DDAH1: variants seen among roughly 807,000 people sequenced by gnomAD.
DDAH1 encodes dimethylarginine dimethylaminohydrolase 1.
A neutral mutation model predicts 28.8 loss-of-function variants in DDAH1; 19 were observed. That is an observed-to-expected ratio of 0.66 (90% CI 0.46 to 0.97). The LOEUF (loss-of-function observed/expected upper bound fraction) is 0.97. Among genes scored for constraint, DDAH1 ranks in the 50% least tolerant of loss-of-function variants. DDAH1 has a pLI of 0.00. For synonymous variants in DDAH1, 153 were observed against 154.4 expected (o/e 0.99, Z 0.07); for missense variants, 326 against 375.9 (o/e 0.87, Z 1.10).
At chr1:85,362,035 GT>G (rs879666116) in intron 1 of DDAH1, among the ~76,000 whole-genome samples, 1 of 152,026 alleles carries the variant, frequency 6.6e-6, no homozygotes, top group Non-Finnish European at 1.5e-5. Flanking sequence ...AACAACTGTT[GT>G]TTTTTCTTAT....
At chr1:85,577,204 C>G (rs908265967) in intron 1 of DDAH1, among the ~76,000 whole-genome samples, 1 of 152,104 alleles carries the variant, frequency 6.6e-6, no homozygotes, top group Non-Finnish European at 1.5e-5. Flanking sequence ...CGGACCCTCT[C>G]CGCTCCCTCC....
intron 1 of DDAH1, among the ~76,000 whole-genome samples, chr1:85,499,422 C>T (rs1034981921): frequency 6.6e-6 from 1 of 152,074 alleles, no homozygotes; most frequent in Non-Finnish European, 1.5e-5. Context: ...CGCCTGTAAT[C>T]CCAGCACTTT....
chr1:85,540,163 T>A (rs547391717), intron 1 of DDAH1, among the ~76,000 whole-genome samples: 1 of 152,310 alleles, frequency 6.6e-6, no homozygotes, highest in African/African-American at 2.4e-5. Context: ...TAGAAACTAG[T>A]AAATAGAGTA....
chr1:85,492,175 T>G (rs1418081042), intron 2 of DDAH1, among the ~76,000 whole-genome samples: 1 of 152,224 alleles, frequency 6.6e-6, no homozygotes, highest in Non-Finnish European at 1.5e-5. Context: ...GAGTCTGTGT[T>G]CTTTTGAATG....
intron 1 of DDAH1, among the ~76,000 whole-genome samples, chr1:85,362,708 G>A (rs990023386): frequency 6.6e-5 from 10 of 152,294 alleles, no homozygotes; most frequent in South Asian, 2.1e-4. Flanking sequence ...GATTATGTGA[G>A]TAACAAATAA....
intron 4 of DDAH1, among the ~76,000 whole-genome samples, chr1:85,328,885 C>G (rs72722672): frequency 0.044 from 6,686 of 152,346 alleles, 183 homozygotes; most frequent in Middle Eastern, 0.099. Context: ...AGTGCTCCCA[C>G]CACTCATAAT....
intron 1 of DDAH1, among the ~76,000 whole-genome samples, chr1:85,545,520 G>A (rs1658593640): frequency 6.6e-6 from 1 of 152,156 alleles, no homozygotes; most frequent in South Asian, 2.1e-4. Context: ...CAGCAGTGGG[G>A]CCTGCTTTCT....
intron 1 of DDAH1, among the ~76,000 whole-genome samples, chr1:85,387,233 A>G (rs953084956): frequency 3.3e-5 from 5 of 152,076 alleles, no homozygotes; most frequent in African/African-American, 1.2e-4. Flanking sequence ...TTTCCTTCCT[A>G]CTACATAGGC....
Position 85,330,915 on chromosome 1 carries a change from G to A in DDAH1, c.598-6032C>T, listed in dbSNP as rs140327692. Among the ~76,000 whole-genome samples, 364 of 152,334 alleles carry A rather than the reference G, an allele frequency of 2.4e-3. 2 individuals carry two copies. The highest frequency in any genetic ancestry group is 3.6e-3 in the Admixed American group (55 of 15,300). ...GGACAAGCACATGAAGAGTATGCTA[G>A]CAGTAAAAAGACAGTCAACCTCACT... On this transcript the variant is annotated intron_variant, in intron 4 of 5. Transcript: ENST00000284031.
chr1:85,529,866 C>T (rs1658023595), intron 1 of DDAH1, among the ~76,000 whole-genome samples: 1 of 147,320 alleles, frequency 6.8e-6, no homozygotes. Flanking sequence ...TAGACCCATC[C>T]CAGAGTCAGC....
chr1:85,511,012 T>C (rs1657206607), intron 1 of DDAH1, among the ~76,000 whole-genome samples: 1 of 152,218 alleles, frequency 6.6e-6, no homozygotes. Flanking sequence ...AATAGACATC[T>C]ACAGAACTCT....
At position 85,478,382 on chromosome 1, in the gene DDAH1, T is replaced by A. The variant is rs2100712626; in HGVS notation, c.-7+17784A>T. On this transcript the variant is annotated intron_variant, in intron 2 of 6. Coordinates refer to the DDAH1 transcript ENST00000426972. ...AAGATATACCTAAGACAGGGTAGTT[T>A]ATACAGGAAAGAAGTTTAATAGACT... is the stretch of plus-strand genomic sequence containing the variant. Among the ~76,000 whole-genome samples, 2 of 152,326 alleles carry A rather than the reference T, an allele frequency of 1.3e-5. 1 individual carries two copies. Among genetic ancestry groups the A allele is most frequent in the South Asian group, 4.1e-4 (2 of 4,824 alleles).
At chr1:85,574,308 T>C (rs544195358) in intron 1 of DDAH1, among the ~76,000 whole-genome samples, 1 of 151,658 alleles carries the variant, frequency 6.6e-6, no homozygotes, top group South Asian at 2.1e-4. Flanking sequence ...TGTTATCTTA[T>C]AGACAAGGAA....
At chr1:85,451,441 C>T (rs1654666477) in intron 1 of DDAH1, among the ~76,000 whole-genome samples, 2 of 152,114 alleles carry the variant, frequency 1.3e-5, no homozygotes, top group African/African-American at 4.8e-5. Flanking sequence ...ATTTATTCAC[C>T]ATAACAATGC....
At chr1:85,534,107 ACT>A (rs1447705174) in intron 1 of DDAH1, among the ~76,000 whole-genome samples, 2 of 152,110 alleles carry the variant, frequency 1.3e-5, no homozygotes, top group Admixed American at 1.3e-4. Context: ...AGAAAAACTT[ACT>A]CTTAGAAAAG....
intron 1 of DDAH1, among the ~76,000 whole-genome samples, chr1:85,438,150 G>C (rs944047055): frequency 1.3e-5 from 2 of 152,136 alleles, no homozygotes; most frequent in Non-Finnish European, 2.9e-5. Flanking sequence ...GATGCAAAAA[G>C]GGCAACAACA....
chr1:85,485,641 G>C (rs915123403), intron 2 of DDAH1, among the ~76,000 whole-genome samples: 3 of 152,102 alleles, frequency 2.0e-5, no homozygotes, highest in African/African-American at 7.2e-5. Context: ...CCAGGATTTT[G>C]CTCAAATGTA....
intron 1 of DDAH1, among the ~76,000 whole-genome samples, chr1:85,391,028 A>C (rs1419519757): frequency 6.6e-6 from 1 of 152,218 alleles, no homozygotes; most frequent in East Asian, 1.9e-4. Context: ...ACAGGATTCT[A>C]AAATTGCTTT....
At chr1:85,443,645 C>A (rs1654303015) in intron 1 of DDAH1, among the ~76,000 whole-genome samples, 1 of 152,188 alleles carries the variant, frequency 6.6e-6, no homozygotes, top group African/African-American at 2.4e-5. Context: ...AATATTGATT[C>A]TTCCTATCCA....
Sources: gnomAD v4.1 joint callset for allele counts (sites outside exome capture counted in the v4.1 genomes callset) on GRCh38, gnomAD v4.1.1 for gene constraint, MANE v1.5 for transcripts, NCBI Gene and HGNC (gene_info 2026-07-23, HGNC 2026-07-21) for gene names.